The following UST variants were observed in gnomAD, a reference collection of about 807,000 sequenced individuals.
The protein encoded by UST is uronyl 2-sulfotransferase, also known as chondroitin sulfate 2-O-sulfotransferase.
Under a neutral mutation model 45.6 loss-of-function variants are expected in UST, and 21 were observed. That is an observed-to-expected ratio of 0.46 (90% CI 0.33 to 0.66). The LOEUF (loss-of-function observed/expected upper bound fraction) is 0.66. Ranked by LOEUF, UST falls within the 30% of genes least tolerant of loss-of-function variation. UST has a pLI of 0.02. For missense variants in UST, 463 were observed against 512.4 expected (o/e 0.90, Z 0.93); for synonymous variants, 215 against 200.6 (o/e 1.07, Z -0.61).
At chr6:148,763,188 T>G (rs1441286820) in intron 1 of UST, among the ~76,000 whole-genome samples, 6 of 152,254 alleles carry the variant, frequency 3.9e-5, no homozygotes, top group African/African-American at 1.4e-4. Flanking sequence ...TTTTTAATAC[T>G]AGTCATTCTG....
chr6:148,884,043 G>T (rs1336985566), intron 1 of UST, among the ~76,000 whole-genome samples: 5 of 151,070 alleles, frequency 3.3e-5, no homozygotes, highest in African/African-American at 1.2e-4. Context: ...TGAGGCAGGA[G>T]AATCGCTTGA....
intron 2 of UST, among the ~76,000 whole-genome samples, chr6:148,921,293 GAAT>G (rs1354706278): frequency 1.3e-5 from 2 of 152,170 alleles, no homozygotes; most frequent in East Asian, 3.9e-4. Flanking sequence ...AAGGAGTTGA[GAAT>G]AATTTAGTGC....
rs116095277 is a variant in UST, at chr6:148,774,259, A to G, written c.247+26582A>G. Among the ~76,000 whole-genome samples, 683 of 133,542 alleles carry G rather than the reference A, an allele frequency of 5.1e-3. 4 individuals are homozygous for G. The highest frequency in any genetic ancestry group is 0.019 in the African/African-American group (655 of 34,410). 87.6% of individuals were successfully genotyped at this position (133,542 alleles called of 152,430 possible). A position where few individuals can be genotyped will look rare whatever the true frequency, so the allele number is the denominator to read the frequency against. ...TCTCCATTCCTGTCTGTTAAAGCGA[A>G]CAAGGTTATTTTATATATATATATA... On this transcript the variant is annotated intron_variant, in intron 1 of 7. Transcript: ENST00000367463.
rs2500526 is a variant in UST, at chr6:148,994,749, C to G, written c.682-24390C>G. On this transcript the variant is annotated intron_variant, in intron 5 of 7. Coordinates refer to ENST00000367463, the MANE Select transcript of UST (RefSeq NM_005715.3). ...CCCCACAGCTTTTCTTTCTGTCCCC[C>G]CCACCAGGCTCTTTTCCTTTTTCCC... Among the ~76,000 whole-genome samples, 3 of 152,106 alleles carry G rather than the reference C, an allele frequency of 2.0e-5. No individual in the cohort carries two copies. In the East Asian group the frequency reaches 5.8e-4, roughly 29 times the overall value.
At chr6:148,924,776 T>C (rs1469846764) in intron 2 of UST, among the ~76,000 whole-genome samples, 3 of 152,238 alleles carry the variant, frequency 2.0e-5, no homozygotes, top group Non-Finnish European at 4.4e-5. Context: ...CCAATAGCTC[T>C]TGGGCCTCTC....
chr6:148,897,714 C>T (rs747984593), intron 2 of UST, among the ~76,000 whole-genome samples: 2 of 151,606 alleles, frequency 1.3e-5, no homozygotes, highest in Non-Finnish European at 2.9e-5. Context: ...TGGCCTTGAA[C>T]CCCTGGCTTC....
chr6:149,018,850 C>A (rs904710690), intron 5 of UST, among the ~76,000 whole-genome samples: 1 of 152,128 alleles, frequency 6.6e-6, no homozygotes, highest in Non-Finnish European at 1.5e-5. Context: ...CACTGTTCTC[C>A]CAAGGCCTGT....
At chr6:148,970,376 C>T (rs770172442) in intron 5 of UST, among the ~76,000 whole-genome samples, 13 of 152,210 alleles carry the variant, frequency 8.5e-5, no homozygotes, top group Non-Finnish European at 1.9e-4. Context: ...CCCTCACAGC[C>T]TCTCCTGGCG....
At chr6:149,057,028 T>C (rs1776575386) in intron 7 of UST, among the ~76,000 whole-genome samples, 1 of 152,218 alleles carries the variant, frequency 6.6e-6, no homozygotes, top group Non-Finnish European at 1.5e-5. Context: ...AGACTCACCA[T>C]TGGTTCACTC....
chr6:149,009,292 AAG>A (rs751399877), intron 5 of UST, among the ~76,000 whole-genome samples: 35 of 152,318 alleles, frequency 2.3e-4, no homozygotes, highest in South Asian at 1.9e-3. Context: ...GAAAAGATGA[AAG>A]AGTAACGATT....
In UST at chr6:149,060,703, C is replaced by T. The variant is rs543249534; in HGVS notation, c.938-13130C>T. 2.6e-5 allele frequency among the ~76,000 whole-genome samples: 4 copies of T among 152,272 alleles called. No individual in the cohort carries two copies. In the East Asian group the frequency reaches 7.7e-4, roughly 29 times the overall value. Reference sequence around the variant, plus strand: ...CTCCACTTGACCGTGACTTTCGGCACACCTGTTGCCTGAGAAAGTGTGCTT... The same window carrying T: ...CTCCACTTGACCGTGACTTTCGGCATACCTGTTGCCTGAGAAAGTGTGCTT... On this transcript the variant is annotated intron_variant, in intron 7 of 7. Coordinates refer to ENST00000367463, the MANE Select transcript of UST (RefSeq NM_005715.3).
At chr6:148,978,371 A>C (rs1781064036) in intron 5 of UST, among the ~76,000 whole-genome samples, 1 of 152,202 alleles carries the variant, frequency 6.6e-6, no homozygotes, top group Admixed American at 6.5e-5. Flanking sequence ...ACACATGCAC[A>C]TGTGTGTTTA....
At chr6:148,802,257 A>C (rs1011389500) in intron 1 of UST, among the ~76,000 whole-genome samples, 3 of 152,226 alleles carry the variant, frequency 2.0e-5, no homozygotes, top group African/African-American at 7.2e-5. Flanking sequence ...CATCATCACA[A>C]TGCTTCCCCC....
intron 1 of UST, among the ~76,000 whole-genome samples, chr6:148,819,356 A>G (rs927112355): frequency 6.6e-5 from 10 of 152,246 alleles, no homozygotes; most frequent in African/African-American, 1.9e-4. Flanking sequence ...ACGATTTGAC[A>G]TAATGTTCAC....
In UST at chr6:148,773,375, C is replaced by T. The variant is rs552088897; in HGVS notation, c.247+25698C>T. 2.8e-3 allele frequency among the ~76,000 whole-genome samples: 422 copies of T among 151,846 alleles called. 2 individuals carry two copies. The highest frequency in any genetic ancestry group is 5.2e-3 in the Non-Finnish European group (350 of 67,940). ...ACTCAGGAGGCTGAGGCAGGAGAAT[C>T]GCTTGAACCCGGGAAGTAGAGGTTG... On this transcript the variant is annotated intron_variant, in intron 1 of 7. Transcript: ENST00000367463.
intron 1 of UST, among the ~76,000 whole-genome samples, chr6:148,864,045 G>A (rs985889751): frequency 3.3e-5 from 5 of 152,300 alleles, no homozygotes; most frequent in South Asian, 2.1e-4. Flanking sequence ...AGACAGGGAC[G>A]TTTAAGTCTG....
chr6:149,060,289 C>T (rs1776635753), intron 7 of UST, among the ~76,000 whole-genome samples: 1 of 152,200 alleles, frequency 6.6e-6, no homozygotes, highest in Non-Finnish European at 1.5e-5. Flanking sequence ...ACCAAGGCAG[C>T]CATGAAGTGC....
At chr6:148,933,947 G>C (rs375709079) in intron 2 of UST, among the ~76,000 whole-genome samples, 2 of 152,186 alleles carry the variant, frequency 1.3e-5, no homozygotes, top group African/African-American at 4.8e-5. Context: ...ACAAATTACT[G>C]GAACTTTGTT....
chr6:148,846,435 T>C (rs1157428427), intron 1 of UST, among the ~76,000 whole-genome samples: 2 of 150,534 alleles, frequency 1.3e-5, no homozygotes, highest in African/African-American at 4.9e-5. Context: ...CATCACACTC[T>C]GGGGACTGTT....
Sources: allele counts gnomAD v4.1 joint callset (sites outside exome capture counted in the v4.1 genomes callset), GRCh38; gene constraint gnomAD v4.1.1; transcripts MANE v1.5; gene names NCBI Gene and HGNC (gene_info 2026-07-23, HGNC 2026-07-21).